Variants in SLC2A14 observed in about 807,000 individuals in gnomAD.
SLC2A14 encodes the protein solute carrier family 2, facilitated glucose transporter member 14.
Under a neutral mutation model 43.0 loss-of-function variants are expected in SLC2A14, and 13 were observed. The observed-to-expected ratio is 0.30, with a 90% CI of 0.20 to 0.48. The LOEUF is 0.48. SLC2A14 is among the 20% of genes least tolerant of loss of function. SLC2A14 has a pLI of 0.99. For missense variants in SLC2A14, 428 were observed against 620.4 expected (o/e 0.69, Z 3.29); for synonymous variants, 190 against 233.8 (o/e 0.81, Z 1.71).
At chr12:7,833,794 A>AG (rs1211811553) in intron 2 of SLC2A14, among the ~76,000 whole-genome samples, 44 of 98,088 alleles carry the variant, frequency 4.5e-4, no homozygotes, top group South Asian at 2.3e-3. Flanking sequence ...AAAAAAAAAA[A>AG]AAGAGAGAGA....
chr12:7,871,324 G>A, intron 1 of SLC2A14: 1 of 1,009,138 alleles, frequency 9.9e-7, no homozygotes, highest in Non-Finnish European at 1.3e-6. Flanking sequence ...AGTTCAACTA[G>A]GTGGAGTTCA....
At chr12:7,833,715 G>A (rs904096197) in intron 2 of SLC2A14, among the ~76,000 whole-genome samples, 4 of 151,804 alleles carry the variant, frequency 2.6e-5, no homozygotes, top group African/African-American at 4.8e-5. Flanking sequence ...CTGAGAGGCG[G>A]AGGTTGCAGT....
rs116732013 is a variant in SLC2A14 at position 7,868,152 on chromosome 12, C to T, written c.18+1711G>A. On this transcript the variant is annotated intron_variant, in intron 2 of 10. Transcript: ENST00000431042. Reference sequence around the variant, plus strand: ...TACAGCCAACCCCAGCCTTTAGTAACCACAACCCTGATCAGTCGGCAGCCA... The same window carrying T: ...TACAGCCAACCCCAGCCTTTAGTAATCACAACCCTGATCAGTCGGCAGCCA... 7.8e-3 allele frequency among the ~76,000 whole-genome samples: 1,190 copies of T among 152,254 alleles called. 15 individuals are homozygous for T. The highest frequency in any genetic ancestry group is 0.027 in the African/African-American group (1,124 of 41,538).
chr12:7,838,021 G>A (rs927274784), intron 2 of SLC2A14, among the ~76,000 whole-genome samples: 1 of 151,992 alleles, frequency 6.6e-6, no homozygotes, highest in African/African-American at 2.4e-5. Flanking sequence ...GCCTCCCAAA[G>A]TGCTGGGATT....
intron 2 of SLC2A14, among the ~76,000 whole-genome samples, chr12:7,856,631 C>CGGCATCGAT (rs1565556253): frequency 6.6e-6 from 1 of 152,100 alleles, no homozygotes; most frequent in East Asian, 1.9e-4. Context: ...GCACTATTGA[C>CGGCATCGAT]GGCATCGATG....
rs1163719413 is a variant in SLC2A14 at position 7,838,067 on chromosome 12, T to G, written c.19-5253A>C. On this transcript the variant is annotated intron_variant, in intron 2 of 10. Coordinates refer to ENST00000431042, the MANE Select transcript of SLC2A14 (RefSeq NM_001286234.2). ...GCCACCATGCCCAGCCTACCTTTTT[T>G]GTTGTTGTTATGTGTTTTTACCACA... Among the ~76,000 whole-genome samples the G allele has an allele frequency of 3.3e-5, 5 of 150,202 alleles. No individual in the cohort carries two copies. The East Asian group carries it at 9.8e-4, about 29-fold the overall frequency.
intron 7 of SLC2A14, among the ~76,000 whole-genome samples, chr12:7,822,306 T>G (rs973423397): frequency 6.6e-6 from 1 of 152,068 alleles, no homozygotes; most frequent in Non-Finnish European, 1.5e-5. Flanking sequence ...TAATGTCCAT[T>G]GTTGCTTCTA....
At chr12:7,832,685 C>G (rs774071896) in intron 3 of SLC2A14, 37 bp downstream of exon 3, 2 of 1,599,730 alleles carry the variant, frequency 1.3e-6, no homozygotes, top group African/African-American at 2.7e-5. Context: ...AATAATTTCC[C>G]TATTCCAGAT....
intron 2 of SLC2A14, among the ~76,000 whole-genome samples, chr12:7,846,837 T>C (rs1238044183): frequency 6.6e-6 from 1 of 151,634 alleles, no homozygotes; most frequent in African/African-American, 2.4e-5. Context: ...TTTCACTGTG[T>C]TGGCCAGGCT....
intron 2 of SLC2A14, among the ~76,000 whole-genome samples, chr12:7,841,299 C>T (rs1002036184): frequency 6.6e-6 from 1 of 152,086 alleles, no homozygotes; most frequent in African/African-American, 2.4e-5. Flanking sequence ...TGCACTCTGT[C>T]ACCCAGGCTG....
intron 1 of SLC2A14, among the ~76,000 whole-genome samples, chr12:7,883,805 G>A (rs974082002): frequency 2.7e-5 from 4 of 149,828 alleles, no homozygotes; most frequent in South Asian, 2.1e-4. Context: ...AGATGGTCTC[G>A]ATCTCTTGAC....
intron 2 of SLC2A14, among the ~76,000 whole-genome samples, chr12:7,837,914 C>A (rs1165496259): frequency 6.6e-6 from 1 of 151,286 alleles, no homozygotes; most frequent in South Asian, 2.1e-4. Context: ...CACGCCACCA[C>A]GCCTGGTTAA....
intron 9 of SLC2A14, 42 bp downstream of exon 9, chr12:7,819,440 C>T: frequency 1.2e-6 from 2 of 1,608,786 alleles, no homozygotes; most frequent in Non-Finnish European, 1.7e-6. Context: ...TGTAACCTCT[C>T]TTCTTTCCCC....
chr12:7,870,319 G>A (rs1427740907), intron 1 of SLC2A14, among the ~76,000 whole-genome samples: 1 of 152,146 alleles, frequency 6.6e-6, no homozygotes, highest in Non-Finnish European at 1.5e-5. Flanking sequence ...GTGATTTAAT[G>A]TGGTTTACCT....
At chr12:7,865,677 G>A (rs1357728299) in intron 2 of SLC2A14, among the ~76,000 whole-genome samples, 2 of 152,018 alleles carry the variant, frequency 1.3e-5, no homozygotes, top group African/African-American at 4.8e-5. Flanking sequence ...TATTTCCTGA[G>A]ACAATAATAT....
intron 1 of SLC2A14, among the ~76,000 whole-genome samples, chr12:7,882,164 G>A (rs981606425): frequency 2.0e-5 from 3 of 152,070 alleles, no homozygotes; most frequent in Non-Finnish European, 2.9e-5. Context: ...TTTATGAGCT[G>A]TAACACTCAC....
intron 2 of SLC2A14, among the ~76,000 whole-genome samples, chr12:7,868,793 A>G (rs896164850): frequency 2.6e-5 from 4 of 152,178 alleles, no homozygotes; most frequent in African/African-American, 9.7e-5. Flanking sequence ...GGATCACCAG[A>G]GATCAGGAGT....
Position 7,827,807 on chromosome 12 carries a change from G to C in SLC2A14, c.677-125C>G, listed in dbSNP as rs886768651. 2.6e-5 allele frequency: 39 copies of C among 1,505,314 alleles called. No homozygotes were observed. In the African/African-American group the frequency reaches 2.8e-4, roughly 11 times the overall value. The allele number at this position is 1,505,314 out of a possible 1,614,324, so 93.2% of individuals were successfully genotyped here. ...ATGGGTAGCATCCATTCCTGAACCT[G>C]CCCTCTCACCTCATTCTTTAGGGGC... On this transcript the variant is annotated intron_variant, in intron 6 of 10. Coordinates refer to ENST00000431042, the MANE Select transcript of SLC2A14 (RefSeq NM_001286234.2).
In SLC2A14 at chr12:7,858,271, G is replaced by T. The variant is rs764569415; in HGVS notation, c.18+11592C>A. On this transcript the variant is annotated intron_variant, in intron 2 of 10. Transcript: ENST00000431042. ...CAAACACTATCTTATGAAATCCAATGGTCAATTCTCGAGCCTTCTTACTCA... is the reference window on the plus strand; with the variant it reads ...CAAACACTATCTTATGAAATCCAATTGTCAATTCTCGAGCCTTCTTACTCA... Among the ~76,000 whole-genome samples the T allele has an allele frequency of 2.6e-5, 4 of 152,190 alleles. No homozygotes were observed. The East Asian group carries it at 7.7e-4, about 29-fold the overall frequency.
Sources: gnomAD v4.1 joint callset for allele counts (sites outside exome capture counted in the v4.1 genomes callset) on GRCh38, gnomAD v4.1.1 for gene constraint, MANE v1.5 for transcripts, NCBI Gene and HGNC (gene_info 2026-07-23, HGNC 2026-07-21) for gene names.